The following DLG1 variants were observed in gnomAD, a reference collection of about 807,000 sequenced individuals.
DLG1 encodes disks large homolog 1.
DLG1 carries 42 observed loss-of-function variants against 123.4 expected under a neutral mutation model. That is an observed-to-expected ratio of 0.34 (90% CI 0.27 to 0.44). DLG1 has a LOEUF of 0.44. DLG1 is among the 20% of genes least tolerant of loss of function. DLG1 has a pLI of 1.00. For missense variants in DLG1, 942 were observed against 1,082.6 expected, an observed-to-expected ratio of 0.87 and a Z score of 1.82; for synonymous variants, 317 against 356.2, an observed-to-expected ratio of 0.89 and a Z score of 1.24.
In DLG1 at chr3:197,169,208, T is replaced by C. The variant is rs530985976; in HGVS notation, c.484-19412A>G. On this transcript the variant is annotated intron_variant, in intron 5 of 24. Transcript: ENST00000667157. ...TACCGCCCTCCCTCACTTTGATTCA[T>C]TGAAAAATAAATGTATATTGAATGA... Among the ~76,000 whole-genome samples, 41 of 152,344 alleles carry C rather than the reference T, an allele frequency of 2.7e-4. No individual in the cohort carries two copies. The East Asian group carries it at 6.6e-3, about 24-fold the overall frequency.
At chr3:197,058,189 A>G (rs894775709) in intron 23 of DLG1, among the ~76,000 whole-genome samples, 1 of 152,078 alleles carries the variant, frequency 6.6e-6, no homozygotes, top group African/African-American at 2.4e-5. Context: ...CATGTTGCCC[A>G]GGCTGGTCTT....
chr3:197,297,149 G>A (rs747597342), intron 2 of DLG1, 37 bp downstream of exon 2: 7 of 1,612,864 alleles, frequency 4.3e-6, no homozygotes, highest in Non-Finnish European at 5.9e-6. Flanking sequence ...GGAAAAGCAA[G>A]TGACATCGAC....
chr3:197,283,218 A>G (rs1315843851), intron 3 of DLG1, among the ~76,000 whole-genome samples: 2 of 152,236 alleles, frequency 1.3e-5, no homozygotes, highest in Admixed American at 1.3e-4. Context: ...ACTATAGCAC[A>G]GAATAGGCTC....
At chr3:197,187,475 A>G (rs1716766274) in intron 5 of DLG1, among the ~76,000 whole-genome samples, 1 of 152,178 alleles carries the variant, frequency 6.6e-6, no homozygotes, top group Non-Finnish European at 1.5e-5. Flanking sequence ...AAATATACTT[A>G]TTTAGCACAA....
At chr3:197,255,073 G>A (rs987987503) in intron 4 of DLG1, among the ~76,000 whole-genome samples, 1 of 151,768 alleles carries the variant, frequency 6.6e-6, no homozygotes, top group African/African-American at 2.4e-5. Context: ...AAAAATCTAT[G>A]ACCTGTTCAA....
intron 13 of DLG1, among the ~76,000 whole-genome samples, chr3:197,108,841 G>A (rs1768128037): frequency 6.6e-6 from 1 of 152,020 alleles, no homozygotes; most frequent in Non-Finnish European, 1.5e-5. Context: ...CTTTTAACTG[G>A]AGTGCTTAAT....
At chr3:197,297,455 C>CT (rs1778020073) in intron 1 of DLG1, 1 of 1,365,758 alleles carries the variant, frequency 7.3e-7, no homozygotes, top group East Asian at 2.9e-5. Flanking sequence ...CAGAAGTCGG[C>CT]TTCCAAACTC....
intron 16 of DLG1, among the ~76,000 whole-genome samples, chr3:197,084,058 A>G (rs1432443157): frequency 6.6e-6 from 1 of 152,082 alleles, no homozygotes; most frequent in Admixed American, 6.6e-5. Flanking sequence ...CTGCACCAAT[A>G]CATGTAATTT....
intron 13 of DLG1, among the ~76,000 whole-genome samples, chr3:197,114,426 C>T (rs1771878565): frequency 1.3e-5 from 2 of 152,166 alleles, no homozygotes; most frequent in African/African-American, 4.8e-5. Flanking sequence ...CGCCAGACAA[C>T]ATAAAACAGT....
rs763054732 is a variant in DLG1 at position 197,117,463 on chromosome 3, A to C, written c.1287-1380T>G. Among the ~76,000 whole-genome samples, 216 of 152,360 alleles carry C rather than the reference A, an allele frequency of 1.4e-3. 2 individuals are homozygous for C. The highest frequency in any genetic ancestry group is 2.3e-3 in the Non-Finnish European group (156 of 68,008). On this transcript the variant is annotated intron_variant, in intron 12 of 24. Transcript: ENST00000667157. ...GCCCATCATTAGATGAATAAACAAA[A>C]TGTGGCATATATGTATAATTGAACA...
chr3:197,088,921 T>A (rs1217227863), intron 15 of DLG1, among the ~76,000 whole-genome samples: 1 of 152,194 alleles, frequency 6.6e-6, no homozygotes, highest in Non-Finnish European at 1.5e-5. Context: ...TGACTGTAAA[T>A]GCTATTAGTT....
chr3:197,144,472 T>C (rs1187039796), intron 6 of DLG1, among the ~76,000 whole-genome samples: 3 of 152,198 alleles, frequency 2.0e-5, no homozygotes, highest in Non-Finnish European at 4.4e-5. Context: ...ACCCACACCA[T>C]GTAAAGCAGA....
intron 7 of DLG1, among the ~76,000 whole-genome samples, chr3:197,141,856 G>A (rs1003435220): frequency 6.6e-6 from 1 of 152,068 alleles, no homozygotes; most frequent in Non-Finnish European, 1.5e-5. Context: ...ACAGGTCTGC[G>A]TTACCACACC....
intron 24 of DLG1, among the ~76,000 whole-genome samples, chr3:197,046,242 A>G (rs1203860686): frequency 6.6e-6 from 1 of 152,128 alleles, no homozygotes; most frequent in Non-Finnish European, 1.5e-5. Context: ...AGCATTTCAT[A>G]GTTTAGGTTG....
At chr3:197,093,211 T>C (rs1164826273) in intron 14 of DLG1, among the ~76,000 whole-genome samples, 1 of 151,870 alleles carries the variant, frequency 6.6e-6, no homozygotes, top group Non-Finnish European at 1.5e-5. Context: ...CAGGCTGGAG[T>C]GCAGTGGCGC....
intron 4 of DLG1, among the ~76,000 whole-genome samples, chr3:197,207,175 C>A (rs1286422663): frequency 6.6e-6 from 1 of 152,138 alleles, no homozygotes; most frequent in East Asian, 1.9e-4. Flanking sequence ...GCTCTTTACG[C>A]AAAGTTTGTC....
intron 8 of DLG1, among the ~76,000 whole-genome samples, chr3:197,138,940 C>G (rs187388284): frequency 6.6e-6 from 1 of 152,176 alleles, no homozygotes; most frequent in Admixed American, 6.5e-5. Context: ...TTTAAGGTCA[C>G]AGAGATAGTG....
intron 5 of DLG1, chr3:197,184,241 G>A (rs546959237): frequency 1.2e-5 from 5 of 405,606 alleles, no homozygotes; most frequent in Non-Finnish European, 1.3e-5. Flanking sequence ...AATGCACTGC[G>A]TGGAAAAACC....
intron 13 of DLG1, among the ~76,000 whole-genome samples, chr3:197,108,781 C>T (rs546033768): frequency 6.6e-6 from 1 of 151,870 alleles, no homozygotes; most frequent in Non-Finnish European, 1.5e-5. Context: ...TCTTGTAGAC[C>T]CTGTGTAGTT....
Sources: allele counts gnomAD v4.1 joint callset (sites outside exome capture counted in the v4.1 genomes callset), GRCh38; gene constraint gnomAD v4.1.1; transcripts MANE v1.5; gene names NCBI Gene and HGNC (gene_info 2026-07-23, HGNC 2026-07-21).